The following RNF13 variants were observed in gnomAD, a reference collection of about 807,000 sequenced individuals.
RNF13 encodes ring finger protein 13.
Under a neutral mutation model 37.7 loss-of-function variants are expected in RNF13, and 19 were observed. The observed-to-expected ratio is 0.50, with a 90% CI of 0.35 to 0.74. The LOEUF is 0.74. RNF13 is among the 30% of genes least tolerant of loss of function. The probability of loss-of-function intolerance (pLI) is 0.01; values close to 1 mark genes in which losing one functional copy is unlikely to be tolerated. For missense variants in RNF13, 375 were observed against 453.0 expected, an observed-to-expected ratio of 0.83 and a Z score of 1.56; for synonymous variants, 144 against 157.8, an observed-to-expected ratio of 0.91 and a Z score of 0.65.
chr3:149,959,754 C>T (rs566961394), intron 8 of RNF13, among the ~76,000 whole-genome samples: 2 of 152,266 alleles, frequency 1.3e-5, no homozygotes, highest in Non-Finnish European at 1.5e-5. Flanking sequence ...TTTTATCTGG[C>T]ATTAAATATT....
At chr3:149,839,680 A>G (rs965547828) in intron 1 of RNF13, among the ~76,000 whole-genome samples, 2 of 152,150 alleles carry the variant, frequency 1.3e-5, no homozygotes, top group Non-Finnish European at 2.9e-5. Context: ...TTCTCCCACA[A>G]CACCTGGGAA....
intron 4 of RNF13, among the ~76,000 whole-genome samples, chr3:149,892,541 G>A (rs1388289117): frequency 2.0e-5 from 3 of 152,148 alleles, no homozygotes; most frequent in East Asian, 1.9e-4. Context: ...CCGTGGTCCC[G>A]TACCTGTTAG....
chr3:149,899,845 G>C (rs1715640052), intron 5 of RNF13, among the ~76,000 whole-genome samples: 1 of 152,204 alleles, frequency 6.6e-6, no homozygotes, highest in South Asian at 2.1e-4. Flanking sequence ...AGAGAAAAGA[G>C]ACATTCAGAG....
At chr3:149,907,836 T>C (rs1716577959) in intron 6 of RNF13, among the ~76,000 whole-genome samples, 2 of 152,272 alleles carry the variant, frequency 1.3e-5, no homozygotes, top group African/African-American at 4.8e-5. Context: ...CCATATACTA[T>C]GTGCAATTGC....
At chr3:149,829,227 G>A (rs554546565) in intron 1 of RNF13, among the ~76,000 whole-genome samples, 1 of 152,128 alleles carries the variant, frequency 6.6e-6, no homozygotes, top group South Asian at 2.1e-4. Flanking sequence ...AGCCTCCCAA[G>A]TAGCTGGGAT....
chr3:149,855,346 C>T (rs1688211043), intron 3 of RNF13, among the ~76,000 whole-genome samples: 1 of 151,310 alleles, frequency 6.6e-6, no homozygotes, highest in African/African-American at 2.4e-5. Context: ...AATAACTACT[C>T]TGCAGTTTGA....
At chr3:149,937,442 T>G (rs1719812833) in intron 8 of RNF13, among the ~76,000 whole-genome samples, 1 of 152,152 alleles carries the variant, frequency 6.6e-6, no homozygotes, top group Admixed American at 6.5e-5. Flanking sequence ...ATTTTTCACT[T>G]TTTTGTGACA....
chr3:149,938,768 A>G (rs1038669890), intron 8 of RNF13, among the ~76,000 whole-genome samples: 1 of 152,100 alleles, frequency 6.6e-6, no homozygotes, highest in Non-Finnish European at 1.5e-5. Context: ...GTCCTATCAT[A>G]ACATTCCATA....
intron 3 of RNF13, among the ~76,000 whole-genome samples, chr3:149,860,713 T>C (rs1005044515): frequency 1.3e-5 from 2 of 151,992 alleles, no homozygotes; most frequent in Non-Finnish European, 2.9e-5. Flanking sequence ...AGGCAAAGAT[T>C]TTACAGCTAA....
At chr3:149,825,900 T>G (rs1172863825) in intron 1 of RNF13, among the ~76,000 whole-genome samples, 1 of 152,222 alleles carries the variant, frequency 6.6e-6, no homozygotes, top group Admixed American at 6.5e-5. Flanking sequence ...TATTCATCAC[T>G]CTTAGAAGTT....
At chr3:149,886,640 A>T (rs572187871) in intron 4 of RNF13, among the ~76,000 whole-genome samples, 1 of 152,286 alleles carries the variant, frequency 6.6e-6, no homozygotes, top group East Asian at 1.9e-4. Context: ...GTACAATACT[A>T]AATAGAAGGG....
chr3:149,826,445 C>A (rs1012820391), intron 1 of RNF13, among the ~76,000 whole-genome samples: 4 of 152,160 alleles, frequency 2.6e-5, no homozygotes, highest in African/African-American at 7.2e-5. Flanking sequence ...TATTTTACTT[C>A]AAATCATTTC....
At position 149,944,763 on chromosome 3, in the gene RNF13, T is replaced by C. The variant is rs551197383; in HGVS notation, c.701-15293T>C. 3.9e-5 allele frequency among the ~76,000 whole-genome samples: 6 copies of C among 152,142 alleles called. No individual in the cohort carries two copies. The South Asian group carries it at 1.2e-3, about 32-fold the overall frequency. On this transcript the variant is annotated intron_variant, in intron 8 of 9. Coordinates refer to ENST00000392894, the MANE Select transcript of RNF13 (RefSeq NM_183381.3). Reference sequence around the variant, plus strand: ...ATTTTCTCCCATTCTCTAGGTTGCCTGTTCACTCTGATGGTAGTTTCTTTT... The same window carrying C: ...ATTTTCTCCCATTCTCTAGGTTGCCCGTTCACTCTGATGGTAGTTTCTTTT...
At chr3:149,869,201 T>C (rs562193336) in intron 3 of RNF13, among the ~76,000 whole-genome samples, 41 of 152,036 alleles carry the variant, frequency 2.7e-4, no homozygotes, top group South Asian at 1.2e-3. Flanking sequence ...AACAAAATTA[T>C]TTCAATTTTC....
At chr3:149,862,782 A>T (rs1483952886) in intron 3 of RNF13, among the ~76,000 whole-genome samples, 1 of 152,174 alleles carries the variant, frequency 6.6e-6, no homozygotes, top group Non-Finnish European at 1.5e-5. Context: ...TCAAATTAGT[A>T]AAAGTAGGAG....
At chr3:149,924,631 A>G (rs891720181) in intron 8 of RNF13, among the ~76,000 whole-genome samples, 5 of 152,208 alleles carry the variant, frequency 3.3e-5, no homozygotes, top group African/African-American at 1.2e-4. Flanking sequence ...GAGACTATTG[A>G]TGATCTTGAT....
intron 1 of RNF13, among the ~76,000 whole-genome samples, chr3:149,829,697 C>T (rs567686464): frequency 1.4e-3 from 209 of 152,292 alleles, no homozygotes; most frequent in Non-Finnish European, 1.8e-3. Context: ...TGATGTAACA[C>T]TTTTGCTTAT....
intron 4 of RNF13, among the ~76,000 whole-genome samples, chr3:149,878,326 A>G (rs191593512): frequency 4.9e-4 from 74 of 152,320 alleles, no homozygotes; most frequent in African/African-American, 1.8e-3. Flanking sequence ...GGATCGAAAG[A>G]AAGAGAGAAA....
intron 4 of RNF13, among the ~76,000 whole-genome samples, chr3:149,894,688 A>G (rs1001374522): frequency 2.0e-5 from 3 of 152,128 alleles, no homozygotes; most frequent in Admixed American, 6.5e-5. Flanking sequence ...ATTCAAAACT[A>G]TGTATATATA....
Sources: gnomAD v4.1 joint callset for allele counts (sites outside exome capture counted in the v4.1 genomes callset) on GRCh38, gnomAD v4.1.1 for gene constraint, MANE v1.5 for transcripts, NCBI Gene and HGNC (gene_info 2026-07-23, HGNC 2026-07-21) for gene names.